SSBP3: variants seen among roughly 807,000 people sequenced by gnomAD.
SSBP3 encodes the protein single stranded DNA binding protein 3, also known as single-stranded DNA-binding protein 3.
A neutral mutation model predicts 69.6 loss-of-function variants in SSBP3; 5 were observed. The observed-to-expected ratio is 0.07, with a 90% CI of 0.04 to 0.15. The LOEUF (loss-of-function observed/expected upper bound fraction) is 0.15. Ranked by LOEUF, SSBP3 falls within the 10% of genes least tolerant of loss-of-function variation. SSBP3 has a pLI of 1.00. For missense variants in SSBP3, 312 were observed against 534.0 expected (o/e 0.58, Z 4.10); for synonymous variants, 196 against 193.4 (o/e 1.01, Z -0.11).
At chr1:54,265,945 C>T (rs1645094464) in intron 5 of SSBP3, among the ~76,000 whole-genome samples, 1 of 152,212 alleles carries the variant, frequency 6.6e-6, no homozygotes, top group African/African-American at 2.4e-5. Flanking sequence ...GAACAGGGGG[C>T]GCTCAGTGAA....
At chr1:54,383,291 T>C (rs1167442648) in intron 4 of SSBP3, among the ~76,000 whole-genome samples, 1 of 151,578 alleles carries the variant, frequency 6.6e-6, no homozygotes, top group Non-Finnish European at 1.5e-5. Flanking sequence ...GGCAGGAGAA[T>C]TTCTTGAACC....
intron 4 of SSBP3, among the ~76,000 whole-genome samples, chr1:54,334,872 G>A (rs954754239): frequency 9.9e-5 from 15 of 152,124 alleles, no homozygotes; most frequent in African/African-American, 3.1e-4. Flanking sequence ...TTCATCCTGT[G>A]CCTGTGAAGT....
chr1:54,359,208 C>CAAAAA lies in SSBP3; in HGVS notation c.276+42648_276+42652dup, dbSNP rs56901465. Among the ~76,000 whole-genome samples the CAAAAA allele has an allele frequency of 4.0e-5, 3 of 75,460 alleles. 1 individual carries two copies. Among genetic ancestry groups the CAAAAA allele is most frequent in the Non-Finnish European group, 2.7e-5 (1 of 36,816 alleles). The allele number at this position is 75,460 out of a possible 152,430, so 49.5% of individuals were successfully genotyped here. A position where few individuals can be genotyped will look rare whatever the true frequency, so the allele number is the denominator to read the frequency against. ...TGAGTTGCTATAATTACCCTCCCCT[C>CAAAAA]AAAAAAAAAAAAAAAAAAAAAAGCT... On this transcript the variant is annotated intron_variant, in intron 4 of 17. Transcript: ENST00000610401.
In SSBP3 at chr1:54,348,339, G is replaced by A. The variant is rs183400769; in HGVS notation, c.276+53522C>T. 1.3e-3 allele frequency among the ~76,000 whole-genome samples: 196 copies of A among 151,748 alleles called. 2 individuals are homozygous for A. The highest frequency in any genetic ancestry group is 1.8e-3 in the Non-Finnish European group (123 of 67,960). On this transcript the variant is annotated intron_variant, in intron 4 of 17. Transcript: ENST00000610401. ...GGAAAAGGTTCAAAAAGGAGCCTGCGGGTCAAGAGGACACACAAGCAACAA... is the reference window on the plus strand; with the variant it reads ...GGAAAAGGTTCAAAAAGGAGCCTGCAGGTCAAGAGGACACACAAGCAACAA...
chr1:54,237,624 C>T, intron 14 of SSBP3: 1 of 156,220 alleles, frequency 6.4e-6, no homozygotes, highest in Non-Finnish European at 1.4e-5. Context: ...ATTAAAGTAA[C>T]ATGGTCATTT....
intron 4 of SSBP3, among the ~76,000 whole-genome samples, chr1:54,288,680 C>T (rs974076973): frequency 2.0e-5 from 3 of 152,158 alleles, no homozygotes; most frequent in African/African-American, 7.2e-5. Flanking sequence ...GAGAGCTGTA[C>T]TATCTCAAGG....
In SSBP3 at chr1:54,375,652, C is replaced by T. The variant is rs906110133; in HGVS notation, c.276+26209G>A. Among the ~76,000 whole-genome samples the T allele has an allele frequency of 3.0e-4, 45 of 152,210 alleles. 1 individual carries two copies. Among genetic ancestry groups the T allele is most frequent in the Non-Finnish European group, 2.5e-4 (17 of 68,032 alleles). ...CCCCCAGCCAGTCCCCCTCCAGAAG[C>T]CTCCAGTCGCCTGGTGGAAAGGATG... On this transcript the variant is annotated intron_variant, in intron 4 of 17. Transcript: ENST00000610401.
chr1:54,402,220 G>C (rs578214684), intron 3 of SSBP3, among the ~76,000 whole-genome samples: 1 of 152,312 alleles, frequency 6.6e-6, no homozygotes, highest in East Asian at 1.9e-4. Flanking sequence ...ACCATATACT[G>C]TAAGGTAGGC....
intron 3 of SSBP3, among the ~76,000 whole-genome samples, chr1:54,402,502 C>T (rs1037147606): frequency 6.6e-6 from 1 of 152,152 alleles, no homozygotes; most frequent in African/African-American, 2.4e-5. Flanking sequence ...GAGCCCGCAC[C>T]TCCACCCTTC....
chr1:54,320,430 C>T (rs1215992641), intron 4 of SSBP3, among the ~76,000 whole-genome samples: 6 of 152,090 alleles, frequency 3.9e-5, no homozygotes, highest in Admixed American at 2.6e-4. Context: ...CAATTCTCCT[C>T]CCTCAGCCTC....
At chr1:54,409,388 C>G (rs911787259), upstream of SSBP3, among the ~76,000 whole-genome samples, 1 of 152,116 alleles carries the variant, frequency 6.6e-6, no homozygotes, top group African/African-American at 2.4e-5. Context: ...CTGTCTCCCC[C>G]ACCAGACTGG....
intron 4 of SSBP3, among the ~76,000 whole-genome samples, chr1:54,320,228 T>TG (rs1266310477): frequency 6.6e-6 from 1 of 152,196 alleles, no homozygotes; most frequent in East Asian, 1.9e-4. Flanking sequence ...GGGGTGACAC[T>TG]GGCCTTTTTC....
chr1:54,308,526 G>A (rs1004142331), intron 4 of SSBP3, among the ~76,000 whole-genome samples: 8 of 151,012 alleles, frequency 5.3e-5, no homozygotes, highest in South Asian at 2.1e-4. Context: ...GCGTGAACCC[G>A]GGAGGCGGAG....
chr1:54,286,647 A>G (rs957166823), intron 4 of SSBP3: 3 of 152,384 alleles, frequency 2.0e-5, no homozygotes, highest in African/African-American at 7.2e-5. Flanking sequence ...CCACTCCGTA[A>G]GGACACCTGA....
exon 18 of SSBP3, chr1:54,225,481 C>T (rs1005465019): frequency 1.7e-6 from 2 of 1,148,400 alleles, no homozygotes; most frequent in African/African-American, 1.6e-5. Flanking sequence ...ATATATCGTA[C>T]ACAAACTACA....
intron 4 of SSBP3, among the ~76,000 whole-genome samples, chr1:54,337,128 T>G (rs1646520963): frequency 6.6e-6 from 1 of 152,220 alleles, no homozygotes; most frequent in Non-Finnish European, 1.5e-5. Flanking sequence ...TTCCTTCCAC[T>G]TTGTGACAGT....
chr1:54,406,207 G>T (rs981282699), exon 1 of SSBP3: 271 of 433,536 alleles, frequency 6.3e-4, no homozygotes, highest in South Asian at 1.3e-3. Context: ...CTGTCAAAGC[G>T]TCAGCCCCGG....
chr1:54,246,732 A>G (rs1644740992), intron 9 of SSBP3, among the ~76,000 whole-genome samples: 1 of 152,212 alleles, frequency 6.6e-6, no homozygotes, highest in Non-Finnish European at 1.5e-5. Flanking sequence ...GCACCTCATC[A>G]TTTCATAGAT....
At chr1:54,372,344 T>C (rs1647149046) in intron 4 of SSBP3, among the ~76,000 whole-genome samples, 1 of 152,060 alleles carries the variant, frequency 6.6e-6, no homozygotes, top group Non-Finnish European at 1.5e-5. Context: ...GCCATAATCC[T>C]CCAAGACAAA....
Sources: gnomAD v4.1 joint callset for allele counts (sites outside exome capture counted in the v4.1 genomes callset) on GRCh38, gnomAD v4.1.1 for gene constraint, MANE v1.5 for transcripts, NCBI Gene and HGNC (gene_info 2026-07-23, HGNC 2026-07-21) for gene names.